LRRC37A2: variants seen among roughly 807,000 people sequenced by gnomAD.
LRRC37A2 encodes leucine-rich repeat-containing protein 37A2.
In LRRC37A2, 9 loss-of-function variants were observed where a neutral mutation model predicts 68.8. The ratio of observed to expected loss-of-function variants is 0.13; its 90% CI spans 0.08 to 0.23. The LOEUF (loss-of-function observed/expected upper bound fraction) is 0.23, where lower values mean the gene tolerates loss of function less well. LRRC37A2 is among the 10% of genes least tolerant of loss of function. The probability of loss-of-function intolerance (pLI) is 1.00; values close to 1 mark genes in which losing one functional copy is unlikely to be tolerated. For missense variants in LRRC37A2, 168 were observed against 950.4 expected (o/e 0.18, Z 10.82); for synonymous variants, 63 against 367.6 (o/e 0.17, Z 9.48).
chr17:46,789,597 C>T, the LRRC37A2 span, among the ~76,000 whole-genome samples: 3 of 98,558 alleles, frequency 3.0e-5, no homozygotes, highest in African/African-American at 1.2e-4. Context: ...GGTAACCTCT[C>T]AGGGAACACA....
chr17:46,961,002 C>T, the LRRC37A2 span, among the ~76,000 whole-genome samples: 1 of 151,806 alleles, frequency 6.6e-6, no homozygotes, highest in Non-Finnish European at 1.5e-5. Flanking sequence ...AAATAAAAGG[C>T]ATTTATAATG....
At chr17:46,943,388 T>G in the LRRC37A2 span, among the ~76,000 whole-genome samples, 1 of 152,212 alleles carries the variant, frequency 6.6e-6, no homozygotes, top group Admixed American at 6.5e-5. Context: ...TGCCTGGTGT[T>G]CCGTCCTCCC....
At chr17:47,035,931 T>G in the LRRC37A2 span, among the ~76,000 whole-genome samples, 2 of 152,238 alleles carry the variant, frequency 1.3e-5, no homozygotes, top group Non-Finnish European at 2.9e-5. Context: ...CATTTTTATG[T>G]GTATATGAGC....
At chr17:46,714,232 T>C in the LRRC37A2 span, among the ~76,000 whole-genome samples, 1 of 152,230 alleles carries the variant, frequency 6.6e-6, no homozygotes, top group African/African-American at 2.4e-5. Flanking sequence ...TTAAGTTTCA[T>C]TGCCTAGTTT....
chr17:46,830,006 A>G, the LRRC37A2 span, among the ~76,000 whole-genome samples: 1 of 152,274 alleles, frequency 6.6e-6, no homozygotes, highest in East Asian at 1.9e-4. Context: ...ACACAGGCTG[A>G]CTTCCTAAGA....
the LRRC37A2 span, among the ~76,000 whole-genome samples, chr17:46,991,270 T>C: frequency 1.3e-5 from 2 of 152,174 alleles, no homozygotes; most frequent in Admixed American, 1.3e-4. Flanking sequence ...CAGAATGACT[T>C]CTTATCTGTT....
the LRRC37A2 span, among the ~76,000 whole-genome samples, chr17:46,780,367 C>T: frequency 6.6e-6 from 1 of 152,246 alleles, no homozygotes; most frequent in Non-Finnish European, 1.5e-5. Context: ...TGGAATCACA[C>T]ACAATCTCCC....
the LRRC37A2 span, among the ~76,000 whole-genome samples, chr17:46,605,541 A>AT: frequency 7.4e-6 from 1 of 134,758 alleles, no homozygotes; most frequent in African/African-American, 2.7e-5. Flanking sequence ...AATGAAAGCC[A>AT]TAAGACAGGG....
the LRRC37A2 span, among the ~76,000 whole-genome samples, chr17:47,022,168 CT>C: frequency 5.1e-4 from 10 of 19,722 alleles, 1 homozygote; most frequent in Admixed American, 1.0e-3. Flanking sequence ...TTTTTGTTCT[CT>C]TTTTTTTTTT....
chr17:46,888,744 C>T, the LRRC37A2 span, among the ~76,000 whole-genome samples: 1 of 152,218 alleles, frequency 6.6e-6, no homozygotes, highest in South Asian at 2.1e-4. Context: ...CTCTCCCTGC[C>T]CCAGACCCAA....
chr17:46,966,180 C>A, the LRRC37A2 span, among the ~76,000 whole-genome samples: 11 of 152,172 alleles, frequency 7.2e-5, no homozygotes, highest in Admixed American at 3.3e-4. Context: ...GAAGTGCTCA[C>A]AAAAATGTTC....
chr17:46,503,515 CTA>C, the LRRC37A2 span, among the ~76,000 whole-genome samples: 2 of 135,434 alleles, frequency 1.5e-5, no homozygotes, highest in East Asian at 2.2e-4. Context: ...ATAAATTTGA[CTA>C]TTTGTATCAT....
chr17:46,935,294 C>T, the LRRC37A2 span: 1 of 1,566,978 alleles, frequency 6.4e-7, no homozygotes, highest in Non-Finnish European at 8.6e-7. Flanking sequence ...CAAGACAGAG[C>T]CCTTGAGTTT....
At chr17:46,516,264 C>G (rs1205889622) in intron 2 of LRRC37A2, among the ~76,000 whole-genome samples, 1 of 130,712 alleles carries the variant, frequency 7.7e-6, no homozygotes, top group Non-Finnish European at 1.7e-5. Flanking sequence ...GATTGCACCA[C>G]TGCACTCCAG....
At chr17:46,716,064 A>G in the LRRC37A2 span, among the ~76,000 whole-genome samples, 1 of 152,194 alleles carries the variant, frequency 6.6e-6, no homozygotes, top group African/African-American at 2.4e-5. Flanking sequence ...GGTTTCTTAG[A>G]AATATATTAG....
chr17:46,954,460 C>A, the LRRC37A2 span, among the ~76,000 whole-genome samples: 1 of 152,230 alleles, frequency 6.6e-6, no homozygotes, highest in Non-Finnish European at 1.5e-5. Context: ...AGTTTGAAAT[C>A]AGGCAGTGTG....
the LRRC37A2 span, chr17:46,851,648 C>A: frequency 7.8e-7 from 1 of 1,282,558 alleles, no homozygotes; most frequent in Non-Finnish European, 9.8e-7. The surrounding 1 kb of genome is among the most constrained non-coding windows in gnomAD (Gnocchi z 4.3). Flanking sequence ...CATGCGCCCC[C>A]CGCCCGCGCT....
the LRRC37A2 span, among the ~76,000 whole-genome samples, chr17:46,913,371 A>G: frequency 6.6e-6 from 1 of 152,230 alleles, no homozygotes; most frequent in South Asian, 2.1e-4. Flanking sequence ...TGAATGGACA[A>G]CTGGGACCCC....
the LRRC37A2 span, chr17:46,875,015 C>T: frequency 1.9e-6 from 3 of 1,606,394 alleles, no homozygotes; most frequent in Admixed American, 1.7e-5. Flanking sequence ...CTCTGGCCCT[C>T]AGAGGGCGGC....
Sources: allele counts gnomAD v4.1 joint callset (sites outside exome capture counted in the v4.1 genomes callset), GRCh38; gene constraint gnomAD v4.1.1; non-coding constraint Gnocchi (gnomAD v3.1); transcripts MANE v1.5; gene names NCBI Gene and HGNC (gene_info 2026-07-23, HGNC 2026-07-21).